CNTN5: variants seen among roughly 807,000 people sequenced by gnomAD.
CNTN5 encodes contactin 5.
In CNTN5, 77 loss-of-function variants were observed where a neutral mutation model predicts 129.1. That is an observed-to-expected ratio of 0.60 (90% CI 0.50 to 0.72). CNTN5 has a LOEUF of 0.72. CNTN5 is among the 30% of genes least tolerant of loss of function. The probability of loss-of-function intolerance (pLI) is 0.00; values close to 1 mark genes in which losing one functional copy is unlikely to be tolerated. For synonymous variants in CNTN5, 509 were observed against 465.6 expected (o/e 1.09, Z -1.20); for missense variants, 1,478 against 1,328.8 (o/e 1.11, Z -1.75).
chr11:99,686,173 A>G (rs1953783413), intron 3 of CNTN5, among the ~76,000 whole-genome samples: 1 of 151,932 alleles, frequency 6.6e-6, no homozygotes, highest in Non-Finnish European at 1.5e-5. Flanking sequence ...CTTTGTTAAC[A>G]TGGTTTTATA....
chr11:99,734,549 T>C (rs1943637659), intron 3 of CNTN5, among the ~76,000 whole-genome samples: 1 of 152,180 alleles, frequency 6.6e-6, no homozygotes, highest in Non-Finnish European at 1.5e-5. Context: ...CATTATTATA[T>C]ATCATACTGA....
rs546252608 is a variant in CNTN5, at chr11:99,977,475, T to C, written c.877+20466T>C. Among the ~76,000 whole-genome samples the C allele has an allele frequency of 5.3e-5, 8 of 152,342 alleles. No individual in the cohort carries two copies. In the South Asian group the frequency reaches 1.7e-3, roughly 32 times the overall value. The stretch of plus-strand genomic sequence containing the variant: ...TGAAGAGCTACCTGAGACTTGGTAA[T>C]TTATAAATAAAAGAGGTTTAATTGA... On this transcript the variant is annotated intron_variant, in intron 8 of 24. Transcript: ENST00000524871.
chr11:99,314,857 A>G (rs1865274275), intron 1 of CNTN5, among the ~76,000 whole-genome samples: 1 of 148,638 alleles, frequency 6.7e-6, no homozygotes, highest in African/African-American at 2.4e-5. Context: ...GTGGGAAGAT[A>G]AAGAAGAAAG....
At chr11:99,838,028 A>T (rs933676486) in intron 4 of CNTN5, among the ~76,000 whole-genome samples, 4 of 152,180 alleles carry the variant, frequency 2.6e-5, no homozygotes, top group Admixed American at 2.6e-4. Context: ...TAAGTTAAAT[A>T]GTTATATTAA....
intron 1 of CNTN5, among the ~76,000 whole-genome samples, chr11:99,319,794 C>T (rs1865487572): frequency 6.6e-6 from 1 of 152,034 alleles, no homozygotes; most frequent in Middle Eastern, 3.4e-3. Flanking sequence ...TTGAAGTAGG[C>T]CGACAGTGAA....
intron 1 of CNTN5, among the ~76,000 whole-genome samples, chr11:99,081,214 C>A (rs907421392): frequency 6.6e-6 from 1 of 152,100 alleles, no homozygotes; most frequent in African/African-American, 2.4e-5. Context: ...GAAAGGCTGA[C>A]TTTTCAAAGA....
intron 1 of CNTN5, among the ~76,000 whole-genome samples, chr11:99,172,825 A>G (rs1214601587): frequency 6.6e-6 from 1 of 152,206 alleles, no homozygotes; most frequent in African/African-American, 2.4e-5. Flanking sequence ...ATTTGTTTCC[A>G]TCATGAGCCA....
chr11:100,170,700 G>A (rs146857460), intron 13 of CNTN5, among the ~76,000 whole-genome samples: 12 of 151,868 alleles, frequency 7.9e-5, no homozygotes, highest in African/African-American at 2.4e-4. Flanking sequence ...GTTCCATGCT[G>A]TCTATGGTGG....
intron 1 of CNTN5, among the ~76,000 whole-genome samples, chr11:99,083,444 T>C (rs963998893): frequency 1.3e-5 from 2 of 152,220 alleles, no homozygotes; most frequent in African/African-American, 4.8e-5. Flanking sequence ...TGTTTATACA[T>C]TAGCATATTC....
rs1256545519 is a variant in CNTN5 at position 100,296,875 on chromosome 11, A to T, written c.2315-750A>T. ...GAATAGAAAGGCAACACTGAAGTGTAAAATTGTTAATGCAGGCTCATAGCC... is the reference window on the plus strand; with the variant it reads ...GAATAGAAAGGCAACACTGAAGTGTTAAATTGTTAATGCAGGCTCATAGCC... On this transcript the variant is annotated intron_variant, in intron 18 of 24. Coordinates refer to ENST00000524871, the MANE Select transcript of CNTN5 (RefSeq NM_014361.4). 2.0e-5 allele frequency among the ~76,000 whole-genome samples: 3 copies of T among 151,692 alleles called. No individual in the cohort carries two copies. The East Asian group carries it at 5.8e-4, about 30-fold the overall frequency.
At chr11:99,933,169 G>A (rs1950230000) in intron 7 of CNTN5, among the ~76,000 whole-genome samples, 1 of 152,032 alleles carries the variant, frequency 6.6e-6, no homozygotes, top group African/African-American at 2.4e-5. Context: ...TAGTGATGTA[G>A]TTATTTGATC....
chr11:100,002,052 A>G lies in CNTN5; in HGVS notation c.896A>G (p.Glu299Gly). The G allele has an allele frequency of 6.3e-7, 1 of 1,595,754 alleles. No individual in the cohort carries two copies. Among genetic ancestry groups the G allele is most frequent in the South Asian group, 1.2e-5 (1 of 86,846 alleles). Residue 299 changes from glutamate (E) to glycine (G), a missense_variant, in exon 9 of 25, where the codon GAG becomes GGG. Coordinates refer to ENST00000524871, the MANE Select transcript of CNTN5 (RefSeq NM_014361.4). ...TTCTAAGGTGTGATGGGAGAATATG[A>G]GCCGAAAATTGAGGTCCATTTTCCT... ...LRNDGVMGEYEPKIEVHFPFT... is the reference protein window; with the variant it reads ...LRNDGVMGEYGPKIEVHFPFT...
At chr11:99,108,045 G>A (rs1857602096) in intron 1 of CNTN5, among the ~76,000 whole-genome samples, 1 of 151,378 alleles carries the variant, frequency 6.6e-6, no homozygotes, top group Non-Finnish European at 1.5e-5. Flanking sequence ...TTTGATGTGT[G>A]TATTCCTTTT....
intron 6 of CNTN5, among the ~76,000 whole-genome samples, chr11:99,908,277 C>T (rs994695112): frequency 6.6e-6 from 1 of 151,926 alleles, no homozygotes; most frequent in Non-Finnish European, 1.5e-5. Context: ...TATGAAATAA[C>T]TGAAGAGGGT....
At chr11:99,233,066 C>G (rs1307715568) in intron 1 of CNTN5, among the ~76,000 whole-genome samples, 2 of 152,152 alleles carry the variant, frequency 1.3e-5, no homozygotes, top group African/African-American at 4.8e-5. Context: ...ATCTTCAAGT[C>G]AATGTTTTGT....
intron 1 of CNTN5, among the ~76,000 whole-genome samples, chr11:99,171,447 T>C (rs1177317248): frequency 6.6e-6 from 1 of 152,236 alleles, no homozygotes; most frequent in East Asian, 1.9e-4. Context: ...TCCTTATTCC[T>C]TGGTTACCCA....
intron 8 of CNTN5, among the ~76,000 whole-genome samples, chr11:99,961,873 G>A (rs1270813170): frequency 6.6e-6 from 1 of 152,044 alleles, no homozygotes; most frequent in Non-Finnish European, 1.5e-5. Context: ...ATTCAGTCAT[G>A]ACCCCCACAC....
chr11:100,025,416 C>T (rs1040404667), intron 9 of CNTN5, among the ~76,000 whole-genome samples: 2 of 152,194 alleles, frequency 1.3e-5, no homozygotes, highest in Non-Finnish European at 2.9e-5. Context: ...TGGTGCAGTG[C>T]AGAAGGGAAC....
At chr11:99,968,656 CTTTTTTTTTTTTTT>C (rs71050037) in intron 8 of CNTN5, among the ~76,000 whole-genome samples, 1,674 of 74,024 alleles carry the variant, frequency 0.023, 60 homozygotes, top group African/African-American at 0.071. Context: ...GCTTTGGGTA[CTTTTTTTTTTTTTT>C]TTTTTTTTTT....
Sources: gnomAD v4.1 joint callset for allele counts (sites outside exome capture counted in the v4.1 genomes callset) on GRCh38, gnomAD v4.1.1 for gene constraint, MANE v1.5 for transcripts, NCBI Gene and HGNC (gene_info 2026-07-23, HGNC 2026-07-21) for gene names.